The following ADORA2B variants were observed in gnomAD, a reference collection of about 807,000 sequenced individuals.
ADORA2B encodes adenosine receptor A2b.
ADORA2B carries 18 observed loss-of-function variants against 20.8 expected under a neutral mutation model. The observed-to-expected ratio is 0.87, with a 90% CI of 0.60 to 1.29. The LOEUF (loss-of-function observed/expected upper bound fraction) is 1.29, where lower values mean the gene tolerates loss of function less well. Ranked by LOEUF, ADORA2B falls within the 50% of genes most tolerant of loss-of-function variation. The probability of loss-of-function intolerance (pLI) is 0.00; values close to 1 mark genes in which losing one functional copy is unlikely to be tolerated. For synonymous variants in ADORA2B, 179 were observed against 178.3 expected, an observed-to-expected ratio of 1.00 and a Z score of -0.03; for missense variants, 441 against 422.7, an observed-to-expected ratio of 1.04 and a Z score of -0.38.
chr17:15,909,486 C>T, the ADORA2B span, among the ~76,000 whole-genome samples: 1 of 152,156 alleles, frequency 6.6e-6, no homozygotes, highest in Admixed American at 6.5e-5. Context: ...TGCTGGAGTC[C>T]CTGGGAGGTG....
At chr17:15,933,209 C>T in the ADORA2B span, among the ~76,000 whole-genome samples, 1 of 152,170 alleles carries the variant, frequency 6.6e-6, no homozygotes, top group African/African-American at 2.4e-5. Flanking sequence ...CCCGCCTCAG[C>T]CTCCCAAAGT....
the ADORA2B span, among the ~76,000 whole-genome samples, chr17:15,863,137 G>A: frequency 1.3e-5 from 2 of 151,976 alleles, no homozygotes; most frequent in African/African-American, 4.8e-5. Context: ...CAGAATTAGT[G>A]CTATTCTAAA....
At chr17:15,886,243 G>GTATTTATTTATTTATTTATT in the ADORA2B span, among the ~76,000 whole-genome samples, 4 of 132,868 alleles carry the variant, frequency 3.0e-5, no homozygotes, top group Admixed American at 7.3e-5. Flanking sequence ...GAATCTTGTA[G>GTATTTATTTATTTATTTATT]TGGCTCGCCC....
chr17:15,930,880 G>T, the ADORA2B span, among the ~76,000 whole-genome samples: 1 of 152,248 alleles, frequency 6.6e-6, no homozygotes, highest in Non-Finnish European at 1.5e-5. Flanking sequence ...ATCCACCTGA[G>T]TGTTTGTTCA....
At chr17:15,888,846 ATATATTTTTTTTTTTTTT>A in the ADORA2B span, among the ~76,000 whole-genome samples, 10 of 16,222 alleles carry the variant, frequency 6.2e-4, no homozygotes, top group African/African-American at 3.6e-3. Flanking sequence ...ATATATATAT[ATATATTTTTTTTTTTTTT>A]TTTTTTTTTT....
the ADORA2B span, among the ~76,000 whole-genome samples, chr17:15,853,430 A>T: frequency 2.0e-5 from 3 of 152,264 alleles, no homozygotes; most frequent in Non-Finnish European, 4.4e-5. Flanking sequence ...GACAAGGCTG[A>T]TATAAAGAAA....
the ADORA2B span, among the ~76,000 whole-genome samples, chr17:15,933,037 G>C: frequency 6.8e-6 from 1 of 147,832 alleles, no homozygotes; most frequent in Non-Finnish European, 1.5e-5. Context: ...CTCACTGCAA[G>C]CTCTGCCTCC....
the ADORA2B span, among the ~76,000 whole-genome samples, chr17:15,896,571 G>A: frequency 6.6e-6 from 1 of 152,180 alleles, no homozygotes; most frequent in Non-Finnish European, 1.5e-5. Flanking sequence ...GAGGGGTTGA[G>A]TTAGTATGTG....
the ADORA2B span, among the ~76,000 whole-genome samples, chr17:15,870,721 A>G: frequency 6.6e-6 from 1 of 152,298 alleles, no homozygotes; most frequent in Middle Eastern, 3.4e-3. Flanking sequence ...ACAGCAAGCA[A>G]CCCCTGAAAT....
the ADORA2B span, among the ~76,000 whole-genome samples, chr17:15,855,984 A>C: frequency 6.6e-6 from 1 of 151,236 alleles, no homozygotes; most frequent in Non-Finnish European, 1.5e-5. Flanking sequence ...CCACCACTCT[A>C]CTCTCTGCTT....
At chr17:15,930,358 G>A in the ADORA2B span, among the ~76,000 whole-genome samples, 10 of 149,966 alleles carry the variant, frequency 6.7e-5, no homozygotes, top group Admixed American at 4.0e-4. Flanking sequence ...GTGCAGTGGC[G>A]TGATCTCAGC....
chr17:15,932,172 C>G, the ADORA2B span, among the ~76,000 whole-genome samples: 3 of 152,012 alleles, frequency 2.0e-5, no homozygotes, highest in Non-Finnish European at 4.4e-5. Flanking sequence ...AATTTTTTAT[C>G]TGATTGCTTG....
At chr17:15,963,497 C>G (rs530608358) in intron 1 of ADORA2B, among the ~76,000 whole-genome samples, 368 of 152,252 alleles carry the variant, frequency 2.4e-3, no homozygotes, top group Non-Finnish European at 4.4e-3. Flanking sequence ...TGGGAGGGCA[C>G]TTTTTGGGGC....
the ADORA2B span, among the ~76,000 whole-genome samples, chr17:15,939,802 G>T: frequency 6.8e-6 from 1 of 148,118 alleles, no homozygotes. Flanking sequence ...CGGAGCTTGC[G>T]TGAGCCAAGA....
At chr17:15,940,565 G>A (rs1969735063), upstream of ADORA2B, among the ~76,000 whole-genome samples, 1 of 152,204 alleles carries the variant, frequency 6.6e-6, no homozygotes, top group Non-Finnish European at 1.5e-5. Flanking sequence ...AAGCCAGTGA[G>A]GCCTAGAGCT....
the ADORA2B span, among the ~76,000 whole-genome samples, chr17:15,935,222 A>T: frequency 6.6e-6 from 1 of 152,228 alleles, no homozygotes; most frequent in East Asian, 1.9e-4. Context: ...TTCAGCCTGA[A>T]TAAATAGCTT....
intron 1 of ADORA2B, among the ~76,000 whole-genome samples, chr17:15,963,264 T>C (rs1970062210): frequency 6.6e-6 from 1 of 152,186 alleles, no homozygotes; most frequent in South Asian, 2.1e-4. Context: ...CTAAAACTTG[T>C]AGGTGAAAGT....
At chr17:15,902,865 G>A in the ADORA2B span, among the ~76,000 whole-genome samples, 84 of 152,338 alleles carry the variant, frequency 5.5e-4, no homozygotes, top group African/African-American at 1.9e-3. Flanking sequence ...GATGAACAGT[G>A]CAGAAGATTC....
At chr17:15,913,678 T>C in the ADORA2B span, among the ~76,000 whole-genome samples, 1 of 152,216 alleles carries the variant, frequency 6.6e-6, no homozygotes. Context: ...ATTAAAACCT[T>C]ACCAACATTT....
Sources: allele counts gnomAD v4.1 joint callset (sites outside exome capture counted in the v4.1 genomes callset), GRCh38; gene constraint gnomAD v4.1.1; transcripts MANE v1.5; gene names NCBI Gene and HGNC (gene_info 2026-07-23, HGNC 2026-07-21).